ARHGAP6: variants seen among roughly 807,000 people sequenced by gnomAD.
ARHGAP6 encodes the protein Rho GTPase activating protein 6, also known as rho GTPase-activating protein 6.
A neutral mutation model predicts 55.7 loss-of-function variants in ARHGAP6; 16 were observed. The observed-to-expected ratio is 0.29, with a 90% CI of 0.19 to 0.44. The LOEUF (loss-of-function observed/expected upper bound fraction) is 0.44. ARHGAP6 is among the 20% of genes least tolerant of loss of function. The probability of loss-of-function intolerance (pLI) is 1.00; values close to 1 mark genes in which losing one functional copy is unlikely to be tolerated. For synonymous variants in ARHGAP6, 382 were observed against 360.9 expected, an observed-to-expected ratio of 1.06 and a Z score of -0.66; for missense variants, 698 against 808.9, an observed-to-expected ratio of 0.86 and a Z score of 1.66.
At chrX:11,512,595 T>C (rs2050795857) in intron 1 of ARHGAP6, among the ~76,000 whole-genome samples, 1 of 111,665 alleles carries the variant, frequency 9.0e-6, no homozygotes, top group African/African-American at 3.3e-5. Flanking sequence ...ACTTCAGTTT[T>C]GAGCCTAGAT....
intron 1 of ARHGAP6, among the ~76,000 whole-genome samples, chrX:11,411,138 T>C (rs1200766609): frequency 1.2e-5 from 1 of 85,729 alleles, no homozygotes; most frequent in African/African-American, 4.2e-5. Context: ...ATGACTTCAT[T>C]ATGTGGAATA....
intron 1 of ARHGAP6, among the ~76,000 whole-genome samples, chrX:11,278,879 A>C (rs1430208796): frequency 9.0e-6 from 1 of 110,620 alleles, no homozygotes; most frequent in Non-Finnish European, 1.9e-5. Context: ...CCATCTCTCC[A>C]TATCACTCGA....
At chrX:11,408,893 A>T (rs1352980675) in intron 1 of ARHGAP6, among the ~76,000 whole-genome samples, 3 of 108,258 alleles carry the variant, frequency 2.8e-5, no homozygotes, top group African/African-American at 1.0e-4. Flanking sequence ...ATTGATCATC[A>T]CACACACACA....
intron 1 of ARHGAP6, among the ~76,000 whole-genome samples, chrX:11,518,985 T>C (rs1188381381): frequency 3.1e-5 from 3 of 97,276 alleles, no homozygotes; most frequent in African/African-American, 1.2e-4. Flanking sequence ...TATGGCTGCA[T>C]AGTATACCAT....
intron 1 of ARHGAP6, among the ~76,000 whole-genome samples, chrX:11,604,148 A>G (rs757872797): frequency 1.8e-5 from 2 of 111,982 alleles, no homozygotes; most frequent in East Asian, 5.6e-4. Flanking sequence ...CTAGCATTCC[A>G]TTGGCTAAAG....
At chrX:11,599,362 C>G (rs917340959) in intron 1 of ARHGAP6, among the ~76,000 whole-genome samples, 2 of 111,393 alleles carry the variant, frequency 1.8e-5, no homozygotes, top group Non-Finnish European at 3.8e-5. Flanking sequence ...TTATGGGGCA[C>G]AATGTGATGT....
chrX:11,138,809 C>G lies in ARHGAP6; in HGVS notation c.*54G>C, dbSNP rs1251347704. The G allele has an allele frequency of 3.5e-6, 4 of 1,134,084 alleles. No individual in the cohort carries two copies. The highest frequency in any genetic ancestry group is 3.5e-6 in the Non-Finnish European group (3 of 856,364). The allele number at this position is 1,134,084 out of a possible 1,213,427, so 93.5% of individuals were successfully genotyped here. On this transcript the variant is annotated 3_prime_UTR_variant, in exon 13 of 13. Transcript: ENST00000337414. ...CCAGTGGCCACCACCCACGGTCCCCCCTGGGCTGGAGGGCGGGGGGCTCGG... is the reference window on the plus strand; with the variant it reads ...CCAGTGGCCACCACCCACGGTCCCCGCTGGGCTGGAGGGCGGGGGGCTCGG...
At chrX:11,564,038 CAA>C (rs1021659850) in intron 1 of ARHGAP6, among the ~76,000 whole-genome samples, 1 of 110,732 alleles carries the variant, frequency 9.0e-6, no homozygotes. Context: ...TCATTGTCAA[CAA>C]AAAAATTCAC....
At chrX:11,386,542 A>G (rs2049330511) in intron 1 of ARHGAP6, among the ~76,000 whole-genome samples, 1 of 111,604 alleles carries the variant, frequency 9.0e-6, no homozygotes, top group East Asian at 2.8e-4. Flanking sequence ...TCCACCGGCC[A>G]TAATAGGAAC....
At chrX:11,387,600 C>T (rs1253136667) in intron 1 of ARHGAP6, among the ~76,000 whole-genome samples, 4 of 111,628 alleles carry the variant, frequency 3.6e-5, no homozygotes, top group Non-Finnish European at 7.5e-5. Flanking sequence ...ATGTGCGCAA[C>T]GTGCAAGTTT....
At chrX:11,653,144 A>G (rs896889570) in intron 1 of ARHGAP6, among the ~76,000 whole-genome samples, 3 of 112,131 alleles carry the variant, frequency 2.7e-5, no homozygotes, top group Non-Finnish European at 5.6e-5. Flanking sequence ...CAGTTAAAGA[A>G]CAGGGCTCGA....
chrX:11,176,516 A>G (rs1256800634), intron 8 of ARHGAP6, among the ~76,000 whole-genome samples: 1 of 105,353 alleles, frequency 9.5e-6, no homozygotes, highest in Admixed American at 1.0e-4. Context: ...AAATGATTCT[A>G]AAAGGGCAAC....
Position 11,179,341 on chromosome X carries a change from G to A in ARHGAP6, c.1441C>T (p.Leu481Phe). The change falls in exon 7 of 13, where the codon CTC (leucine) becomes TTC (phenylalanine). Residue 481 changes from leucine to phenylalanine, a missense_variant. This residue lies in a region of ARHGAP6 where 322 missense variants were observed against 451.1 expected (regional missense o/e 0.71). Transcript: ENST00000337414. ...AAAGCTGTGTACAGCTCCCTGGTGAGAAGGGGGTCTGGCATGTCCCTCAGG... is the reference window on the plus strand; with the variant it reads ...AAAGCTGTGTACAGCTCCCTGGTGAAAAGGGGGTCTGGCATGTCCCTCAGG... The part of the protein sequence containing the change: ...EFLRDMPDPL[L>F]TRELYTAFIN... The A allele has an allele frequency of 8.3e-7, 1 of 1,209,728 alleles. No homozygotes were observed. Among genetic ancestry groups the A allele is most frequent in the Middle Eastern group, 2.3e-4 (1 of 4,336 alleles).
At chrX:11,233,542 A>G (rs906540537) in intron 2 of ARHGAP6, among the ~76,000 whole-genome samples, 1 of 111,833 alleles carries the variant, frequency 8.9e-6, no homozygotes, top group African/African-American at 3.2e-5. Flanking sequence ...CCTACCTTTT[A>G]GAAGGAGAAG....
intron 1 of ARHGAP6, among the ~76,000 whole-genome samples, chrX:11,376,697 C>G (rs776580725): frequency 8.9e-6 from 1 of 112,675 alleles, no homozygotes; most frequent in African/African-American, 3.2e-5. Context: ...CAAATTATTA[C>G]AGCAAAATGC....
rs200839840 is a variant in ARHGAP6 at position 11,179,270 on chromosome X, G to A, written c.1480+32C>T. ...GAGTTGGACATCTTAGTATTCCAGG[G>A]CCACTTTCCCACATATGGCTGTATT... On this transcript the variant is annotated intron_variant, in intron 7 of 12. Coordinates refer to ENST00000337414, the MANE Select transcript of ARHGAP6 (RefSeq NM_013427.3). The A allele has an allele frequency of 2.6e-6, 3 of 1,156,149 alleles. No individual in the cohort carries two copies. In the Middle Eastern group the frequency reaches 7.2e-4, roughly 277 times the overall value.
rs1020795566 is a variant in ARHGAP6 at position 11,371,224 on chromosome X, C to T, written c.589-116517G>A. Among the ~76,000 whole-genome samples the T allele has an allele frequency of 3.6e-5, 4 of 111,941 alleles. No homozygotes were observed. In the Admixed American group the frequency reaches 3.8e-4, roughly 11 times the overall value. On this transcript the variant is annotated intron_variant, in intron 1 of 12. Transcript: ENST00000337414. ...TGTTTCCCTCACCAGATTGGTTCTA[C>T]AAGCACACAGCTATTTATCCTCTAA... is the stretch of plus-strand genomic sequence containing the variant.
intron 1 of ARHGAP6, among the ~76,000 whole-genome samples, chrX:11,554,795 A>G (rs2051304778): frequency 8.9e-6 from 1 of 112,323 alleles, no homozygotes; most frequent in African/African-American, 3.2e-5. Flanking sequence ...ATACTCTTGT[A>G]TAATCTCTCC....
At chrX:11,583,763 A>G (rs1230035910) in intron 1 of ARHGAP6, among the ~76,000 whole-genome samples, 1 of 111,043 alleles carries the variant, frequency 9.0e-6, no homozygotes, top group African/African-American at 3.3e-5. Context: ...ATTTATATTA[A>G]AGATGGAGGA....
Sources: gnomAD v4.1 joint callset for allele counts (sites outside exome capture counted in the v4.1 genomes callset) on GRCh38, gnomAD v4.1.1 for gene constraint, gnomAD v4.1.1 regional missense constraint, MANE v1.5 for transcripts, NCBI Gene and HGNC (gene_info 2026-07-23, HGNC 2026-07-21) for gene names.